The following IGSF21 variants were observed in gnomAD, a reference collection of about 807,000 sequenced individuals.
IGSF21 encodes the protein immunoglobulin superfamily member 21.
In IGSF21, 28 loss-of-function variants were observed where a neutral mutation model predicts 46.8. The observed-to-expected ratio is 0.60, with a 90% CI of 0.44 to 0.82. IGSF21 has a LOEUF of 0.82. Ranked by LOEUF, IGSF21 falls within the 40% of genes least tolerant of loss-of-function variation. The probability of loss-of-function intolerance (pLI) is 0.00; values close to 1 mark genes in which losing one functional copy is unlikely to be tolerated. For synonymous variants in IGSF21, 284 were observed against 273.6 expected (o/e 1.04, Z -0.38); for missense variants, 624 against 665.5 (o/e 0.94, Z 0.69).
intron 2 of IGSF21, among the ~76,000 whole-genome samples, chr1:18,260,300 A>G (rs74056567): frequency 0.18 from 27,826 of 152,264 alleles, 2,609 homozygotes; most frequent in Admixed American, 0.2. Context: ...GAGGCCCAGA[A>G]ATGGTGGCAG....
chr1:18,135,552 G>T (rs2086361092), intron 1 of IGSF21, among the ~76,000 whole-genome samples: 1 of 152,040 alleles, frequency 6.6e-6, no homozygotes, highest in African/African-American at 2.4e-5. Flanking sequence ...GAGAATGATG[G>T]TTTCCAGCTT....
chr1:18,124,501 G>T (rs1378434122), intron 1 of IGSF21, among the ~76,000 whole-genome samples: 1 of 152,136 alleles, frequency 6.6e-6, no homozygotes, highest in Non-Finnish European at 1.5e-5. Context: ...TTGCTTCTCT[G>T]CAGAAATCCC....
chr1:18,198,377 C>T (rs565815623), intron 1 of IGSF21, among the ~76,000 whole-genome samples: 1 of 152,178 alleles, frequency 6.6e-6, no homozygotes, highest in African/African-American at 2.4e-5. Context: ...CCCACATGGG[C>T]CCGTAGGGTG....
At chr1:18,161,062 G>A (rs1355959074) in intron 1 of IGSF21, among the ~76,000 whole-genome samples, 3 of 152,074 alleles carry the variant, frequency 2.0e-5, no homozygotes, top group African/African-American at 7.2e-5. Context: ...GAATCTCTTG[G>A]GCCAGAGTTT....
chr1:18,336,792 A>G lies in IGSF21; in HGVS notation c.424+1782A>G, dbSNP rs569412247. Among the ~76,000 whole-genome samples, 27 of 152,292 alleles carry G rather than the reference A, an allele frequency of 1.8e-4. 2 individuals are homozygous for G. In the South Asian group the frequency reaches 5.2e-3, roughly 29 times the overall value. ...GATAAAGACATACCCAAGACTGGGC[A>G]ATTTGCAAAAGAAAGAGGTTTAATG... is the stretch of plus-strand genomic sequence containing the variant. On this transcript the variant is annotated intron_variant, in intron 4 of 9. Transcript: ENST00000251296.
intron 3 of IGSF21, among the ~76,000 whole-genome samples, chr1:18,304,092 C>A (rs72936963): frequency 7.9e-4 from 120 of 152,234 alleles, no homozygotes; most frequent in African/African-American, 2.8e-3. Context: ...GACCTGGCAG[C>A]ACTCGCTGAT....
chr1:18,256,408 TCCAGTTCCCC>T (rs1338199202), intron 2 of IGSF21, among the ~76,000 whole-genome samples: 1 of 152,212 alleles, frequency 6.6e-6, no homozygotes, highest in Non-Finnish European at 1.5e-5. Context: ...ACAATAGGCT[TCCAGTTCCCC>T]AAGGAAAGCG....
intron 2 of IGSF21, among the ~76,000 whole-genome samples, chr1:18,263,370 C>T (rs1183353450): frequency 6.6e-6 from 1 of 151,602 alleles, no homozygotes; most frequent in Admixed American, 6.6e-5. Flanking sequence ...TGTGGGGGTC[C>T]TCCAGCCCCA....
chr1:18,236,348 G>C (rs911687412), intron 2 of IGSF21, among the ~76,000 whole-genome samples: 1 of 152,204 alleles, frequency 6.6e-6, no homozygotes, highest in African/African-American at 2.4e-5. Context: ...CTTCCACCAT[G>C]ACTGTGAGGC....
At chr1:18,117,004 G>A (rs2086194774) in intron 1 of IGSF21, among the ~76,000 whole-genome samples, 1 of 152,186 alleles carries the variant, frequency 6.6e-6, no homozygotes, top group Non-Finnish European at 1.5e-5. Context: ...GCAGAGACCT[G>A]CCTGCTAGGA....
intron 3 of IGSF21, among the ~76,000 whole-genome samples, chr1:18,327,404 A>T (rs2085667888): frequency 6.6e-6 from 1 of 152,206 alleles, no homozygotes. Flanking sequence ...TCATTTGCAC[A>T]CACAGCACCT....
Position 18,228,015 on chromosome 1 carries a change from G to A in IGSF21, c.183+5G>A, listed in dbSNP as rs2084586458. ...CGGGAGATCGTGTGGTACCGGGTAAGTCACTACTACTGCCCCCTTCATGCC... is the reference window on the plus strand; with the variant it reads ...CGGGAGATCGTGTGGTACCGGGTAAATCACTACTACTGCCCCCTTCATGCC... On this transcript the variant is annotated splice_donor_5th_base_variant and intron_variant, in intron 2 of 9. Transcript: ENST00000251296. The A allele has an allele frequency of 6.2e-7, 1 of 1,606,412 alleles. No homozygotes were observed. Among genetic ancestry groups the A allele is most frequent in the African/African-American group, 1.3e-5 (1 of 74,808 alleles).
chr1:18,108,257 C>T (rs994012000), intron 1 of IGSF21, 59 bp downstream of exon 1: 618 of 1,308,012 alleles, frequency 4.7e-4, no homozygotes, highest in Non-Finnish European at 5.5e-4. Context: ...GACGGGGTGC[C>T]GGGGGAGGGC....
intron 2 of IGSF21, among the ~76,000 whole-genome samples, chr1:18,259,363 C>G (rs2084919702): frequency 6.6e-6 from 1 of 152,218 alleles, no homozygotes. Context: ...ACCATGAACT[C>G]ATTGTGGACA....
rs374967322 is a variant in IGSF21, at chr1:18,291,058, G to T, written c.184-808G>T. On this transcript the variant is annotated intron_variant, in intron 2 of 9. Coordinates refer to ENST00000251296, the MANE Select transcript of IGSF21 (RefSeq NM_032880.5). Reference sequence around the variant, plus strand: ...TTGAAACAGTGACAACACATACCTTGCTGCTTCGTGGAGTAACACTTTCAT... The same window carrying T: ...TTGAAACAGTGACAACACATACCTTTCTGCTTCGTGGAGTAACACTTTCAT... 5.1e-4 allele frequency among the ~76,000 whole-genome samples: 77 copies of T among 152,322 alleles called. 1 individual carries two copies. The South Asian group carries it at 0.015, about 29-fold the overall frequency.
intron 2 of IGSF21, among the ~76,000 whole-genome samples, chr1:18,239,193 G>T (rs1434909980): frequency 6.6e-6 from 1 of 152,112 alleles, no homozygotes; most frequent in Non-Finnish European, 1.5e-5. Flanking sequence ...TGACAAAGGG[G>T]CTGACTTAAC....
chr1:18,301,007 G>A (rs961541741), intron 3 of IGSF21, among the ~76,000 whole-genome samples: 7 of 152,140 alleles, frequency 4.6e-5, no homozygotes, highest in South Asian at 2.1e-4. Context: ...AAGATTTGTC[G>A]AATCAATGGG....
At chr1:18,124,699 G>A (rs2086261020) in intron 1 of IGSF21, among the ~76,000 whole-genome samples, 1 of 152,184 alleles carries the variant, frequency 6.6e-6, no homozygotes, top group Non-Finnish European at 1.5e-5. Context: ...GCTTGGCTCT[G>A]CTGTGTTGTC....
intron 2 of IGSF21, among the ~76,000 whole-genome samples, chr1:18,261,057 G>C (rs1482347283): frequency 1.3e-5 from 2 of 152,182 alleles, no homozygotes; most frequent in Non-Finnish European, 2.9e-5. Context: ...CTTGTATTTT[G>C]ATTCAAATGG....
Sources: allele counts gnomAD v4.1 joint callset (sites outside exome capture counted in the v4.1 genomes callset), GRCh38; gene constraint gnomAD v4.1.1; transcripts MANE v1.5; gene names NCBI Gene and HGNC (gene_info 2026-07-23, HGNC 2026-07-21).